RGS6: variants seen among roughly 807,000 people sequenced by gnomAD.
The protein encoded by RGS6 is regulator of G-protein signaling 6.
Under a neutral mutation model 78.5 loss-of-function variants are expected in RGS6, and 30 were observed. The observed-to-expected ratio is 0.38, with a 90% CI of 0.29 to 0.52. The LOEUF is 0.52. Ranked by LOEUF, RGS6 falls within the 20% of genes least tolerant of loss-of-function variation. The pLI, the probability that RGS6 is intolerant of heterozygous loss-of-function variation, is 0.85. For synonymous variants in RGS6, 206 were observed against 206.0 expected (o/e 1.00, Z 0.00); for missense variants, 495 against 609.7 (o/e 0.81, Z 1.98).
At chr14:72,508,380 T>C (rs1428138630) in intron 13 of RGS6, among the ~76,000 whole-genome samples, 1 of 152,152 alleles carries the variant, frequency 6.6e-6, no homozygotes, top group Admixed American at 6.5e-5. Context: ...ATTAAATGAA[T>C]TTTAAAATTC....
intron 3 of RGS6, among the ~76,000 whole-genome samples, chr14:72,441,909 A>G (rs2153211024): frequency 6.6e-6 from 1 of 152,338 alleles, no homozygotes; most frequent in Non-Finnish European, 1.5e-5. Context: ...TCCTGGTCAC[A>G]TAGACTGACC....
intron 3 of RGS6, among the ~76,000 whole-genome samples, chr14:72,418,966 A>G (rs1174849373): frequency 6.6e-6 from 1 of 152,230 alleles, no homozygotes; most frequent in African/African-American, 2.4e-5. Flanking sequence ...TCCATGCACT[A>G]AAGGCTTTTG....
intron 2 of RGS6, among the ~76,000 whole-genome samples, chr14:72,062,494 T>C (rs2093942155): frequency 6.6e-6 from 1 of 152,244 alleles, no homozygotes; most frequent in Admixed American, 6.5e-5. Context: ...AGGAGACTTT[T>C]GCATGAGTCC....
At chr14:72,034,366 T>C (rs553948444) in intron 2 of RGS6, among the ~76,000 whole-genome samples, 1 of 151,410 alleles carries the variant, frequency 6.6e-6, no homozygotes, top group Non-Finnish European at 1.5e-5. Context: ...ATTTTTTGTG[T>C]GTTTTTGTCA....
the RGS6 span, among the ~76,000 whole-genome samples, chr14:71,873,886 TATTAA>T: frequency 6.6e-6 from 1 of 152,266 alleles, no homozygotes; most frequent in African/African-American, 2.4e-5. Context: ...CAGCACCATT[TATTAA>T]ATTGGGAATC....
At chr14:72,252,617 A>T (rs1365462637) in intron 2 of RGS6, among the ~76,000 whole-genome samples, 1 of 152,214 alleles carries the variant, frequency 6.6e-6, no homozygotes, top group Non-Finnish European at 1.5e-5. Flanking sequence ...TCTCAAAATT[A>T]CCTCTAGAAA....
chr14:72,406,154 A>T (rs915836699), intron 3 of RGS6, among the ~76,000 whole-genome samples: 1 of 152,198 alleles, frequency 6.6e-6, no homozygotes, highest in Non-Finnish European at 1.5e-5. Flanking sequence ...TGGGAGGCCG[A>T]GGCAGGCAGA....
Position 72,562,523 on chromosome 14 carries a change from G to A in RGS6, c.*56G>A. 3.7e-6 allele frequency: 6 copies of A among 1,604,514 alleles called. No individual in the cohort carries two copies. Among genetic ancestry groups the A allele is most frequent in the African/African-American group, 1.3e-5 (1 of 74,994 alleles). ...CCGCGGACCCCACAGGCAGGCGGCG[G>A]CGCTCCACATCTGCGGACAGAGTTT... On this transcript the variant is annotated 3_prime_UTR_variant, in exon 18 of 18. Coordinates refer to ENST00000553525, the MANE Select transcript of RGS6 (RefSeq NM_001204424.2).
intron 2 of RGS6, among the ~76,000 whole-genome samples, chr14:72,308,473 C>G (rs559869986): frequency 6.6e-6 from 1 of 152,250 alleles, no homozygotes; most frequent in South Asian, 2.1e-4. Flanking sequence ...GTATACTTGT[C>G]TTAAATAGTC....
At chr14:71,907,861 T>C in the RGS6 span, among the ~76,000 whole-genome samples, 4 of 152,102 alleles carry the variant, frequency 2.6e-5, no homozygotes, top group East Asian at 7.7e-4. Flanking sequence ...CTAGTGTATA[T>C]CTGACAGGAG....
chr14:72,561,399 C>T lies in RGS6; in HGVS notation c.1423-1018C>T, dbSNP rs145873694. ...TGGGTTTGGAGTGCTTTCCCAGACACAGTGATCAATCTGCCTGGGTCTAGC... is the reference window on the plus strand; with the variant it reads ...TGGGTTTGGAGTGCTTTCCCAGACATAGTGATCAATCTGCCTGGGTCTAGC... On this transcript the variant is annotated intron_variant, in intron 17 of 17. Coordinates refer to ENST00000553525, the MANE Select transcript of RGS6 (RefSeq NM_001204424.2). Among the ~76,000 whole-genome samples, 203 of 152,322 alleles carry T rather than the reference C, an allele frequency of 1.3e-3. 2 individuals carry two copies. Among genetic ancestry groups the T allele is most frequent in the Middle Eastern group, 0.01 (3 of 294 alleles).
chr14:72,278,334 G>A (rs1055090054), intron 2 of RGS6, among the ~76,000 whole-genome samples: 4 of 152,214 alleles, frequency 2.6e-5, no homozygotes, highest in African/African-American at 9.7e-5. Context: ...TCATGGTGAG[G>A]GGTTTGGGGA....
intron 3 of RGS6, among the ~76,000 whole-genome samples, chr14:72,435,831 G>A (rs921807605): frequency 3.1e-5 from 4 of 130,284 alleles, no homozygotes; most frequent in Non-Finnish European, 6.1e-5. Flanking sequence ...GAACCCTTTT[G>A]ATTAGATAGA....
intron 2 of RGS6, among the ~76,000 whole-genome samples, chr14:72,253,045 T>A (rs2056204912): frequency 6.6e-6 from 1 of 152,224 alleles, no homozygotes; most frequent in South Asian, 2.1e-4. Flanking sequence ...TTGCACAAAG[T>A]CAGTGACTTA....
intron 2 of RGS6, among the ~76,000 whole-genome samples, chr14:72,207,371 C>T (rs1238324301): frequency 6.6e-6 from 1 of 152,134 alleles, no homozygotes; most frequent in African/African-American, 2.4e-5. Context: ...GGAAACTAGG[C>T]ATTTGAAATG....
intron 2 of RGS6, among the ~76,000 whole-genome samples, chr14:72,060,445 TTCTA>T (rs939179312): frequency 2.1e-4 from 32 of 151,608 alleles, no homozygotes; most frequent in African/African-American, 7.3e-4. Context: ...ACTGCAGATA[TTCTA>T]TCTGCCATGT....
At chr14:72,334,456 T>A (rs1308490650) in intron 2 of RGS6, among the ~76,000 whole-genome samples, 1 of 152,134 alleles carries the variant, frequency 6.6e-6, no homozygotes, top group African/African-American at 2.4e-5. Context: ...CCCTCATTTC[T>A]TCACCCCTCC....
intron 12 of RGS6, among the ~76,000 whole-genome samples, chr14:72,481,413 C>A (rs1198569205): frequency 6.6e-6 from 1 of 152,204 alleles, no homozygotes; most frequent in Non-Finnish European, 1.5e-5. Context: ...TTCTTTCCTG[C>A]ACCCTCTGTC....
intron 2 of RGS6, among the ~76,000 whole-genome samples, chr14:72,196,560 T>C (rs1389539975): frequency 6.6e-6 from 1 of 152,166 alleles, no homozygotes; most frequent in Non-Finnish European, 1.5e-5. Flanking sequence ...TCCGATTTTC[T>C]CCTTCCAGAG....
Sources: gnomAD v4.1 joint callset for allele counts (sites outside exome capture counted in the v4.1 genomes callset) on GRCh38, gnomAD v4.1.1 for gene constraint, MANE v1.5 for transcripts, NCBI Gene and HGNC (gene_info 2026-07-23, HGNC 2026-07-21) for gene names.